KCNH7: variants seen among roughly 807,000 people sequenced by gnomAD.
The protein encoded by KCNH7 is voltage-gated inwardly rectifying potassium channel KCNH7.
Under a neutral mutation model 120.8 loss-of-function variants are expected in KCNH7, and 49 were observed. That is an observed-to-expected ratio of 0.41 (90% confidence interval 0.32 to 0.51). The LOEUF is 0.51. Among genes scored for constraint, KCNH7 ranks in the 20% least tolerant of loss-of-function variants. The probability of loss-of-function intolerance (pLI) is 0.38; values close to 1 mark genes in which losing one functional copy is unlikely to be tolerated. For synonymous variants in KCNH7, 547 were observed against 516.1 expected (o/e 1.06, Z -0.81); for missense variants, 1,097 against 1,446.6 (o/e 0.76, Z 3.92).
At chr2:162,389,024 A>G (rs746469584) in intron 12 of KCNH7, among the ~76,000 whole-genome samples, 33 of 151,942 alleles carry the variant, frequency 2.2e-4, no homozygotes, top group Non-Finnish European at 2.8e-4. Flanking sequence ...GTTTGTCATC[A>G]TGCATGCAGA....
intron 6 of KCNH7, among the ~76,000 whole-genome samples, chr2:162,483,534 CTTTG>C (rs1689997549): frequency 6.7e-6 from 1 of 150,230 alleles, no homozygotes; most frequent in African/African-American, 2.4e-5. Flanking sequence ...TCACTGTATT[CTTTG>C]TTTTTTTTTT....
chr2:162,495,751 C>T (rs1000654658), intron 6 of KCNH7, among the ~76,000 whole-genome samples: 1 of 152,024 alleles, frequency 6.6e-6, no homozygotes, highest in Non-Finnish European at 1.5e-5. Flanking sequence ...CCAGTGATAC[C>T]CAGCTGCAGC....
intron 2 of KCNH7, among the ~76,000 whole-genome samples, chr2:162,697,727 C>T (rs1025814629): frequency 6.6e-6 from 1 of 152,006 alleles, no homozygotes; most frequent in Non-Finnish European, 1.5e-5. Flanking sequence ...TGTGTCAGTG[C>T]TTTATTTATT....
chr2:162,438,030 TC>T (rs1688303462), intron 7 of KCNH7, among the ~76,000 whole-genome samples: 1 of 152,196 alleles, frequency 6.6e-6, no homozygotes, highest in African/African-American at 2.4e-5. Flanking sequence ...TGTTTATTTG[TC>T]CTGAGAAATC....
intron 2 of KCNH7, among the ~76,000 whole-genome samples, chr2:162,565,216 T>G (rs770961155): frequency 6.6e-6 from 1 of 152,074 alleles, no homozygotes; most frequent in Admixed American, 6.6e-5. Flanking sequence ...CTTCCCCATA[T>G]AGGTATTTTT....
intron 2 of KCNH7, among the ~76,000 whole-genome samples, chr2:162,569,765 T>C (rs974314062): frequency 6.6e-6 from 1 of 150,952 alleles, no homozygotes; most frequent in East Asian, 2.0e-4. Flanking sequence ...ACATCTTTAT[T>C]TCTGCCTTCA....
intron 2 of KCNH7, among the ~76,000 whole-genome samples, chr2:162,611,642 G>A (rs977607114): frequency 6.6e-6 from 1 of 152,120 alleles, no homozygotes; most frequent in African/African-American, 2.4e-5. Flanking sequence ...GGGAAGAGAC[G>A]ACATTAATAA....
At chr2:162,728,977 T>C (rs559708802) in intron 2 of KCNH7, among the ~76,000 whole-genome samples, 1 of 152,034 alleles carries the variant, frequency 6.6e-6, no homozygotes. Context: ...GTACATGATG[T>C]GAAGTAAGGT....
intron 2 of KCNH7, among the ~76,000 whole-genome samples, chr2:162,821,122 A>T (rs1685107152): frequency 6.6e-6 from 1 of 152,202 alleles, no homozygotes; most frequent in Non-Finnish European, 1.5e-5. Context: ...AAAGAAAAAA[A>T]TGGTTCTACA....
intron 2 of KCNH7, among the ~76,000 whole-genome samples, chr2:162,738,409 C>T (rs190474333): frequency 9.9e-5 from 15 of 152,104 alleles, no homozygotes; most frequent in Non-Finnish European, 2.2e-4. Context: ...ACATTAAGAT[C>T]GTCACTGCCC....
Position 162,687,397 on chromosome 2 carries a change from A to G in KCNH7, c.307+149140T>C, listed in dbSNP as rs566269893. On this transcript the variant is annotated intron_variant, in intron 2 of 15. Coordinates refer to ENST00000332142, the MANE Select transcript of KCNH7 (RefSeq NM_033272.4). Reference sequence around the variant, plus strand: ...TTGTGTACCTTTAAAATTAGATTATACTTTCTAAAAAGGTAACAAATATAC... The same window carrying G: ...TTGTGTACCTTTAAAATTAGATTATGCTTTCTAAAAAGGTAACAAATATAC... Among the ~76,000 whole-genome samples the G allele has an allele frequency of 5.3e-5, 8 of 152,304 alleles. No individual in the cohort carries two copies. In the South Asian group the frequency reaches 1.4e-3, roughly 28 times the overall value.
At chr2:162,603,267 T>C (rs1055729901) in intron 2 of KCNH7, among the ~76,000 whole-genome samples, 3 of 152,030 alleles carry the variant, frequency 2.0e-5, no homozygotes, top group Non-Finnish European at 4.4e-5. Flanking sequence ...AGAAGATAAA[T>C]TATGACCCAA....
At chr2:162,547,310 G>A (rs1692512931) in intron 2 of KCNH7, among the ~76,000 whole-genome samples, 1 of 152,078 alleles carries the variant, frequency 6.6e-6, no homozygotes, top group Non-Finnish European at 1.5e-5. Context: ...GTTTCAAGCT[G>A]GGCCTGACAT....
chr2:162,601,399 C>CTTTTTTTTTTTTTTTTTTTTTTTT lies in KCNH7; in HGVS notation c.308-64343_308-64320dup, dbSNP rs60201823. Among the ~76,000 whole-genome samples the CTTTTTTTTTTTTTTTTTTTTTTTT allele has an allele frequency of 4.2e-4, 4 of 9,602 alleles. 1 individual carries two copies. Among genetic ancestry groups the CTTTTTTTTTTTTTTTTTTTTTTTT allele is most frequent in the African/African-American group, 1.1e-3 (2 of 1,904 alleles). 6.3% of individuals were successfully genotyped at this position (9,602 alleles called of 152,430 possible). ...AAATTTTAAAAAAGTACTTCTTGTG[C>CTTTTTTTTTTTTTTTTTTTTTTTT]TTTTTTTTTTTTTTTTTTTTTTTTT... On this transcript the variant is annotated intron_variant, in intron 2 of 15. Transcript: ENST00000332142.
intron 2 of KCNH7, among the ~76,000 whole-genome samples, chr2:162,775,389 T>C (rs570431980): frequency 1.3e-5 from 2 of 152,288 alleles, no homozygotes; most frequent in East Asian, 3.9e-4. Flanking sequence ...TTGTCTACCA[T>C]GCTTCTCTTT....
At chr2:162,533,561 A>G (rs1352919304) in intron 3 of KCNH7, among the ~76,000 whole-genome samples, 1 of 151,780 alleles carries the variant, frequency 6.6e-6, no homozygotes, top group Non-Finnish European at 1.5e-5. Flanking sequence ...GAAAATTAGT[A>G]AACAAAAATG....
intron 13 of KCNH7, among the ~76,000 whole-genome samples, chr2:162,382,830 G>A (rs990055103): frequency 6.6e-6 from 1 of 151,884 alleles, no homozygotes; most frequent in African/African-American, 2.4e-5. Context: ...TTCCCCATTG[G>A]TTAAAGATAT....
chr2:162,640,837 G>T (rs1017416629), intron 2 of KCNH7, among the ~76,000 whole-genome samples: 2 of 152,040 alleles, frequency 1.3e-5, no homozygotes, highest in Non-Finnish European at 2.9e-5. Context: ...ACTAGTGAAA[G>T]AAACAAACAA....
chr2:162,834,673 A>G (rs1007554051), intron 2 of KCNH7, among the ~76,000 whole-genome samples: 8 of 152,144 alleles, frequency 5.3e-5, no homozygotes, highest in Non-Finnish European at 1.2e-4. Flanking sequence ...GGAATTAATC[A>G]TATCTGTGAT....
Sources: gnomAD v4.1 joint callset for allele counts (sites outside exome capture counted in the v4.1 genomes callset) on GRCh38, gnomAD v4.1.1 for gene constraint, MANE v1.5 for transcripts, NCBI Gene and HGNC (gene_info 2026-07-23, HGNC 2026-07-21) for gene names.